The following JMJD1C variants were observed in gnomAD, a reference collection of about 807,000 sequenced individuals.
JMJD1C encodes the protein jumonji domain-containing protein 1C.
A neutral mutation model predicts 245.3 loss-of-function variants in JMJD1C; 31 were observed. The observed-to-expected ratio is 0.13, with a 90% CI of 0.09 to 0.17. JMJD1C has a LOEUF of 0.17. JMJD1C is among the 10% of genes least tolerant of loss of function. The probability of loss-of-function intolerance (pLI) is 1.00; values close to 1 mark genes in which losing one functional copy is unlikely to be tolerated. For missense variants in JMJD1C, 2,691 were observed against 3,000.2 expected (o/e 0.90, Z 2.41); for synonymous variants, 1,057 against 1,017.4 (o/e 1.04, Z -0.74).
upstream of JMJD1C, among the ~76,000 whole-genome samples, chr10:63,467,580 C>T (rs773680424): frequency 1.3e-5 from 2 of 152,202 alleles, no homozygotes; most frequent in African/African-American, 2.4e-5. Context: ...AAATGCATAT[C>T]GGCAAGTTGA....
At position 63,200,467 on chromosome 10, in the gene JMJD1C, T is replaced by C; in HGVS notation, c.5276+9A>G. 6.2e-7 allele frequency: 1 copy of C among 1,601,740 alleles called. No individual in the cohort carries two copies. Among genetic ancestry groups the C allele is most frequent in the Non-Finnish European group, 8.6e-7 (1 of 1,169,382 alleles). ...ATTACTTTTTTCCCAATCTCATATT[T>C]TCACTTACCGTCTAAAGTAGTAAAA... On this transcript the variant is annotated intron_variant, in intron 11 of 25. Coordinates refer to ENST00000399262, the MANE Select transcript of JMJD1C (RefSeq NM_032776.3).
At chr10:63,242,269 G>GTA (rs1851572627) in intron 3 of JMJD1C, among the ~76,000 whole-genome samples, 1 of 152,148 alleles carries the variant, frequency 6.6e-6, no homozygotes, top group East Asian at 1.9e-4. Context: ...AGCATAAATG[G>GTA]TATATACATG....
chr10:63,275,177 G>A (rs1856667357), intron 2 of JMJD1C, among the ~76,000 whole-genome samples: 1 of 152,188 alleles, frequency 6.6e-6, no homozygotes, highest in African/African-American at 2.4e-5. Context: ...AGAAGTGCTA[G>A]GACCAGAACT....
chr10:63,322,655 A>T (rs1338415351), intron 2 of JMJD1C, among the ~76,000 whole-genome samples: 2 of 151,836 alleles, frequency 1.3e-5, no homozygotes, highest in Non-Finnish European at 2.9e-5. Context: ...TCTACTAAAA[A>T]TACAAAAATT....
At chr10:63,386,600 G>A (rs1011810243) in intron 1 of JMJD1C, among the ~76,000 whole-genome samples, 2 of 152,116 alleles carry the variant, frequency 1.3e-5, no homozygotes, top group Non-Finnish European at 2.9e-5. Context: ...CAGGGGCCAG[G>A]GTCCATTCAA....
At chr10:63,245,113 AAC>A (rs1429381827) in intron 3 of JMJD1C, among the ~76,000 whole-genome samples, 9 of 124,430 alleles carry the variant, frequency 7.2e-5, no homozygotes, top group African/African-American at 2.7e-4. Flanking sequence ...CAGCCTGGGC[AAC>A]AGAGTGAGAC....
intron 3 of JMJD1C, chr10:63,222,789 T>C: frequency 6.8e-7 from 1 of 1,464,442 alleles, no homozygotes; most frequent in Non-Finnish European, 9.6e-7. Flanking sequence ...TTGAAGTCAA[T>C]TCCTAGTGAA....
chr10:63,287,900 C>A (rs1457510037), intron 2 of JMJD1C, among the ~76,000 whole-genome samples: 1 of 152,034 alleles, frequency 6.6e-6, no homozygotes, highest in South Asian at 2.1e-4. Flanking sequence ...GACACCTGTA[C>A]CACACCTGGC....
At chr10:63,297,929 A>C (rs554429306) in intron 2 of JMJD1C, among the ~76,000 whole-genome samples, 1 of 152,350 alleles carries the variant, frequency 6.6e-6, no homozygotes, top group African/African-American at 2.4e-5. Context: ...GACACGCTGT[A>C]ACACCCTTTT....
intron 2 of JMJD1C, among the ~76,000 whole-genome samples, chr10:63,338,411 G>A (rs1483619806): frequency 6.6e-6 from 1 of 151,956 alleles, no homozygotes; most frequent in African/African-American, 2.4e-5. Flanking sequence ...TGGGATTACA[G>A]GCATGAGCCA....
chr10:63,427,315 GGCC>G, intron 1 of JMJD1C: 8 of 973,874 alleles, frequency 8.2e-6, no homozygotes, highest in South Asian at 2.9e-5. Flanking sequence ...GTATTTCCTG[GGCC>G]AGGGCGTGCT....
At chr10:63,375,696 G>A (rs1946685765) in intron 2 of JMJD1C, among the ~76,000 whole-genome samples, 1 of 151,980 alleles carries the variant, frequency 6.6e-6, no homozygotes, top group African/African-American at 2.4e-5. Context: ...GACTATAGGC[G>A]TGAGCCACCA....
At chr10:63,234,493 T>TAAAAAAAAAAAAAAAAAAAAAAAAAAA (rs71025129) in intron 3 of JMJD1C, among the ~76,000 whole-genome samples, 4 of 37,030 alleles carry the variant, frequency 1.1e-4, no homozygotes, top group African/African-American at 1.1e-4. Flanking sequence ...AACCTCCTCT[T>TAAAAAAAAAAAAAAAAAAAAAAAAAAA]AAAAAAAAAA....
At chr10:63,483,905 G>A (rs1953903168) in intron 1 of JMJD1C, among the ~76,000 whole-genome samples, 1 of 152,120 alleles carries the variant, frequency 6.6e-6, no homozygotes, top group Non-Finnish European at 1.5e-5. Context: ...CAGTACTTCA[G>A]TAAATGCACT....
intron 2 of JMJD1C, among the ~76,000 whole-genome samples, chr10:63,361,539 G>A (rs914519506): frequency 6.6e-6 from 1 of 151,912 alleles, no homozygotes; most frequent in Non-Finnish European, 1.5e-5. Flanking sequence ...AAGTGTCTCT[G>A]GGGTTTGACA....
At chr10:63,209,351 G>T in intron 8 of JMJD1C, 116 bp from the exon 9 acceptor site, 1 of 705,824 alleles carries the variant, frequency 1.4e-6, no homozygotes. Flanking sequence ...CATTCAAATA[G>T]CAGTTTCTTT....
intron 1 of JMJD1C, among the ~76,000 whole-genome samples, chr10:63,482,225 C>G (rs1407251660): frequency 6.6e-6 from 1 of 151,976 alleles, no homozygotes; most frequent in Non-Finnish European, 1.5e-5. Flanking sequence ...AAGAACTTAC[C>G]AAGACATTAA....
At chr10:63,408,544 A>C (rs552098203) in intron 1 of JMJD1C, among the ~76,000 whole-genome samples, 2 of 152,256 alleles carry the variant, frequency 1.3e-5, no homozygotes, top group African/African-American at 4.8e-5. Flanking sequence ...TTTAAAAGCA[A>C]ATTCAGAATC....
chr10:63,350,757 C>T (rs1462483110), intron 2 of JMJD1C, among the ~76,000 whole-genome samples: 2 of 151,820 alleles, frequency 1.3e-5, no homozygotes, highest in Non-Finnish European at 2.9e-5. Context: ...GCTAGGACTA[C>T]AGGCGCCCGC....
Sources: gnomAD v4.1 joint callset for allele counts (sites outside exome capture counted in the v4.1 genomes callset) on GRCh38, gnomAD v4.1.1 for gene constraint, MANE v1.5 for transcripts, NCBI Gene and HGNC (gene_info 2026-07-23, HGNC 2026-07-21) for gene names.